KATNAL2: variants seen among roughly 807,000 people sequenced by gnomAD.
KATNAL2 encodes katanin catalytic subunit A1 like 2, also known as katanin p60 ATPase-containing subunit A-like 2.
KATNAL2 carries 52 observed loss-of-function variants against 76.3 expected under a neutral mutation model. That is an observed-to-expected ratio of 0.68 (90% CI 0.55 to 0.86). The LOEUF is 0.86. Among genes scored for constraint, KATNAL2 ranks in the 40% least tolerant of loss-of-function variants. KATNAL2 has a pLI of 0.00. For missense variants in KATNAL2, 660 were observed against 668.9 expected (o/e 0.99, Z 0.15); for synonymous variants, 243 against 244.2 (o/e 1.00, Z 0.05).
intron 3 of KATNAL2, among the ~76,000 whole-genome samples, chr18:46,967,502 T>TGC (rs368079834): frequency 0.11 from 9,871 of 90,934 alleles, 33 homozygotes; most frequent in Non-Finnish European, 0.15. Flanking sequence ...TGTGTGTGTG[T>TGC]GCGCGCGCGC....
chr18:46,919,676 T>G (rs576970028), intron 1 of KATNAL2, among the ~76,000 whole-genome samples: 58 of 152,270 alleles, frequency 3.8e-4, no homozygotes, highest in African/African-American at 1.2e-3. Context: ...ATTTTAAAAT[T>G]TTATGTTAAA....
At chr18:47,034,132 T>G in intron 3 of KATNAL2, 1 of 1,614,232 alleles carries the variant, frequency 6.2e-7, no homozygotes, top group South Asian at 1.1e-5. Flanking sequence ...CAGAGTGGGC[T>G]GCTCGAATTC....
chr18:46,928,577 T>A (rs994961918), intron 1 of KATNAL2, among the ~76,000 whole-genome samples: 1 of 152,166 alleles, frequency 6.6e-6, no homozygotes, highest in Non-Finnish European at 1.5e-5. Context: ...GATCTGAAGC[T>A]GCATGCTGGG....
At chr18:47,054,466 C>G in intron 6 of KATNAL2, 28 bp downstream of exon 6, 1 of 1,605,858 alleles carries the variant, frequency 6.2e-7, no homozygotes, top group South Asian at 1.1e-5. Context: ...TCTTCTTAAT[C>G]GACTCGGCTC....
intron 1 of KATNAL2, among the ~76,000 whole-genome samples, chr18:46,939,900 C>G (rs561953141): frequency 6.6e-6 from 1 of 152,188 alleles, no homozygotes; most frequent in African/African-American, 2.4e-5. Context: ...TAAAATACAC[C>G]CCCTTCATTT....
chr18:47,034,477 G>A (rs2060658237), intron 3 of KATNAL2: 1 of 1,614,138 alleles, frequency 6.2e-7, no homozygotes, highest in Admixed American at 1.7e-5. Flanking sequence ...GGGCATCCTT[G>A]GGGTTTCCTC....
intron 4 of KATNAL2, among the ~76,000 whole-genome samples, chr18:47,049,544 A>G (rs564855917): frequency 6.6e-5 from 10 of 152,312 alleles, no homozygotes; most frequent in African/African-American, 2.2e-4. Flanking sequence ...GGTGTTAAAG[A>G]GTTTTGTGGT....
chr18:47,065,533 G>T (rs745440534), intron 10 of KATNAL2, among the ~76,000 whole-genome samples: 8 of 152,150 alleles, frequency 5.3e-5, no homozygotes, highest in Non-Finnish European at 1.0e-4. Context: ...GCTAGGCATG[G>T]TGGCATGTGC....
intron 1 of KATNAL2, among the ~76,000 whole-genome samples, chr18:46,937,544 G>A (rs1568991129): frequency 6.6e-6 from 1 of 152,086 alleles, no homozygotes; most frequent in Non-Finnish European, 1.5e-5. Context: ...CAATGTTTGT[G>A]TGATCTTTTT....
intron 7 of KATNAL2, among the ~76,000 whole-genome samples, chr18:47,058,582 T>C (rs1289559480): frequency 6.6e-6 from 1 of 151,846 alleles, no homozygotes; most frequent in Non-Finnish European, 1.5e-5. Context: ...CCTCCAAGTT[T>C]TTCCCCTGGT....
chr18:47,034,972 C>A, intron 3 of KATNAL2: 1 of 1,611,666 alleles, frequency 6.2e-7, no homozygotes, highest in African/African-American at 1.3e-5. Context: ...CTCCCCGAAG[C>A]GCTGTCGGGA....
intron 15 of KATNAL2, among the ~76,000 whole-genome samples, chr18:47,085,384 T>C (rs1294784849): frequency 6.6e-6 from 1 of 152,186 alleles, no homozygotes; most frequent in Non-Finnish European, 1.5e-5. Flanking sequence ...ATTTCGTTTA[T>C]AGTTTAAATG....
At position 46,946,172 on chromosome 18, in the gene KATNAL2, G is replaced by A; in HGVS notation, c.-394G>A. The A allele has an allele frequency of 1.0e-6, 1 of 987,704 alleles. No individual in the cohort carries two copies. Among genetic ancestry groups the A allele is most frequent in the Non-Finnish European group, 1.2e-6 (1 of 823,880 alleles). 61.2% of individuals were successfully genotyped at this position (987,704 alleles called of 1,614,324 possible). A position where few individuals can be genotyped will look rare whatever the true frequency, so the allele number is the denominator to read the frequency against. On this transcript the variant is annotated 5_prime_UTR_variant, in exon 2 of 18. Coordinates refer to ENST00000683218, the MANE Select transcript of KATNAL2 (RefSeq NM_001387690.1). ...TAATTTGGAATAGGATTCACAGCAA[G>A]AGAGACAGAAGGGAAAGACATTGAA...
chr18:46,934,744 A>T (rs1357051292), intron 1 of KATNAL2, among the ~76,000 whole-genome samples: 2 of 152,140 alleles, frequency 1.3e-5, no homozygotes, highest in African/African-American at 2.4e-5. Context: ...CCTGAATGGT[A>T]TTGCCTAGGT....
chr18:46,966,094 A>C (rs2060125811), intron 3 of KATNAL2, among the ~76,000 whole-genome samples: 4 of 146,546 alleles, frequency 2.7e-5, no homozygotes, highest in Non-Finnish European at 4.6e-5. Context: ...TTCGGGTGTT[A>C]AGCCTTTTCT....
intron 3 of KATNAL2, among the ~76,000 whole-genome samples, chr18:47,025,502 AGTGTGTGT>A (rs139200050): frequency 2.7e-3 from 384 of 143,416 alleles, no homozygotes; most frequent in Middle Eastern, 7.3e-3. Context: ...TCTCTCTCTC[AGTGTGTGT>A]GTGTGTGTGT....
Position 47,102,049 on chromosome 18 carries a change from C to T in KATNAL2, c.*1044C>T, listed in dbSNP as rs1224486211. The T allele has an allele frequency of 6.6e-6, 1 of 152,148 alleles. No homozygotes were observed. Among genetic ancestry groups the T allele is most frequent in the African/African-American group, 2.4e-5 (1 of 41,436 alleles). The allele number at this position is 152,148 out of a possible 1,614,324, so 9.4% of individuals were successfully genotyped here. ...AGACAGACTCTTCAAGAGGAAAAAC[C>T]TCCAGAAAGAGACACTTTGGATAGC... is the stretch of plus-strand genomic sequence containing the variant. On this transcript the variant is annotated 3_prime_UTR_variant, in exon 18 of 18. Coordinates refer to ENST00000683218, the MANE Select transcript of KATNAL2 (RefSeq NM_001387690.1).
chr18:46,941,671 C>T (rs1163913553), intron 1 of KATNAL2, among the ~76,000 whole-genome samples: 1 of 152,058 alleles, frequency 6.6e-6, no homozygotes, highest in Non-Finnish European at 1.5e-5. Context: ...TAAATAATTT[C>T]TTCAAAAAAA....
At chr18:46,941,359 A>G (rs2146626835) in intron 1 of KATNAL2, among the ~76,000 whole-genome samples, 1 of 152,178 alleles carries the variant, frequency 6.6e-6, no homozygotes, top group East Asian at 1.9e-4. Flanking sequence ...AAACAAACAA[A>G]CAAAAGCCCA....
Sources: gnomAD v4.1 joint callset for allele counts (sites outside exome capture counted in the v4.1 genomes callset) on GRCh38, gnomAD v4.1.1 for gene constraint, MANE v1.5 for transcripts, NCBI Gene and HGNC (gene_info 2026-07-23, HGNC 2026-07-21) for gene names.